PSD2: variants seen among roughly 807,000 people sequenced by gnomAD.
PSD2 encodes the protein pleckstrin and Sec7 domain containing 2.
PSD2 carries 38 observed loss-of-function variants against 69.8 expected under a neutral mutation model. That is an observed-to-expected ratio of 0.54 (90% CI 0.42 to 0.71). The LOEUF (loss-of-function observed/expected upper bound fraction) is 0.71, where lower values mean the gene tolerates loss of function less well. Among genes scored for constraint, PSD2 ranks in the 30% least tolerant of loss-of-function variants. The pLI is 0.00. For missense variants in PSD2, 943 were observed against 1,014.5 expected, an observed-to-expected ratio of 0.93 and a Z score of 0.96; for synonymous variants, 412 against 423.0, an observed-to-expected ratio of 0.97 and a Z score of 0.32.
At chr5:139,838,185 G>C (rs916312284) in intron 12 of PSD2, among the ~76,000 whole-genome samples, 5 of 152,340 alleles carry the variant, frequency 3.3e-5, no homozygotes, top group African/African-American at 1.2e-4. Context: ...CCTGTGACTT[G>C]AGATTGGGGT....
intron 2 of PSD2, among the ~76,000 whole-genome samples, chr5:139,812,665 G>C (rs1247305658): frequency 5.3e-5 from 8 of 152,178 alleles, no homozygotes; most frequent in Non-Finnish European, 1.2e-4. Flanking sequence ...TGCCTCCCCT[G>C]CTCTCTCTGA....
intron 14 of PSD2, among the ~76,000 whole-genome samples, chr5:139,841,690 C>T (rs565021129): frequency 2.0e-5 from 3 of 152,200 alleles, no homozygotes; most frequent in East Asian, 1.9e-4. Flanking sequence ...TCTGCTCTTT[C>T]GATAGTAGTA....
the PSD2 span, among the ~76,000 whole-genome samples, chr5:139,782,653 C>T: frequency 1.8e-4 from 28 of 151,980 alleles, no homozygotes; most frequent in South Asian, 2.3e-3. Context: ...CCACTACGCC[C>T]GGCTCATTTT....
chr5:139,769,470 G>T, the PSD2 span, among the ~76,000 whole-genome samples: 7 of 152,216 alleles, frequency 4.6e-5, no homozygotes, highest in Admixed American at 6.5e-5. Flanking sequence ...GCTCCTCTGT[G>T]GGGGGCAGCC....
In PSD2 at chr5:139,804,962, TGTGCGTGTGTGC is replaced by T. The variant is rs543781384; in HGVS notation, c.-50-4416_-50-4405del. On this transcript the variant is annotated intron_variant, in intron 1 of 14. Coordinates refer to ENST00000274710, the MANE Select transcript of PSD2 (RefSeq NM_032289.4). ...GTGTCTGCACGTGTGCGTGTGTATG[TGTGCGTGTGTGC>T]GTGCGTGTGTGCATGTGTGTGTCTC... Among the ~76,000 whole-genome samples the T allele has an allele frequency of 1.8e-3, 275 of 151,444 alleles. 1 individual carries two copies. Among genetic ancestry groups the T allele is most frequent in the African/African-American group, 6.1e-3 (251 of 41,252 alleles).
chr5:139,814,323 G>C lies in PSD2; in HGVS notation c.975G>C (p.Glu325Asp). 1 of 1,612,204 alleles carries C rather than the reference G, an allele frequency of 6.2e-7. No homozygotes were observed. The highest frequency in any genetic ancestry group is 8.5e-7 in the Non-Finnish European group (1 of 1,179,336). The change falls in exon 4 of 15, where the codon GAG (glutamate) becomes GAC (aspartate). Residue 325 changes from glutamate to aspartate, a missense_variant. Glu to Asp is a conservative substitution (Grantham distance 45). This residue lies in a region of PSD2 where 466 missense variants were observed against 445.0 expected (regional missense o/e 1.05). Coordinates refer to ENST00000274710, the MANE Select transcript of PSD2 (RefSeq NM_032289.4). This position sits in a 1 kb window ranked among gnomAD's most constrained non-coding sequence, Gnocchi z 4.4. ...TGGCACGCCGTCTCTACCACCTCGA[G>C]GGCTTCCAGCGCTGTGATGTGGCCC... ...HRLARRLYHLEGFQRCDVARQ... is the reference protein window; with the variant it reads ...HRLARRLYHLDGFQRCDVARQ...
At chr5:139,766,933 C>CTTTCTT in the PSD2 span, among the ~76,000 whole-genome samples, 88 of 51,022 alleles carry the variant, frequency 1.7e-3, 4 homozygotes, top group African/African-American at 7.5e-3. Flanking sequence ...TCCTTCCCTT[C>CTTTCTT]TTTCTTTCTT....
chr5:139,789,834 AAAG>A, the PSD2 span, among the ~76,000 whole-genome samples: 1 of 152,104 alleles, frequency 6.6e-6, no homozygotes, highest in Non-Finnish European at 1.5e-5. Flanking sequence ...TTATGGAGGA[AAAG>A]AAGGCGGGGA....
chr5:139,783,453 G>A, the PSD2 span, among the ~76,000 whole-genome samples: 26 of 152,078 alleles, frequency 1.7e-4, no homozygotes, highest in Admixed American at 4.6e-4. Context: ...CAACAGATGC[G>A]TCCATATTGT....
At chr5:139,795,260 T>C (rs1759489331), upstream of PSD2, among the ~76,000 whole-genome samples, 1 of 152,114 alleles carries the variant, frequency 6.6e-6, no homozygotes. This position sits in a 1 kb window ranked among gnomAD's most constrained non-coding sequence, Gnocchi z 4.5. Context: ...TCTCAGGGGC[T>C]CAGTCTCCCT....
At chr5:139,774,102 G>A in the PSD2 span, among the ~76,000 whole-genome samples, 4 of 152,072 alleles carry the variant, frequency 2.6e-5, no homozygotes, top group South Asian at 2.1e-4. Context: ...TGGGATTAGA[G>A]GCGTGAGCCG....
At chr5:139,750,106 A>T in the PSD2 span, among the ~76,000 whole-genome samples, 2 of 151,854 alleles carry the variant, frequency 1.3e-5, no homozygotes, top group African/African-American at 2.4e-5. Context: ...TGGGTGGATC[A>T]CGAGGTCAGG....
chr5:139,765,968 G>A, the PSD2 span, among the ~76,000 whole-genome samples: 1 of 152,138 alleles, frequency 6.6e-6, no homozygotes, highest in Non-Finnish European at 1.5e-5. Context: ...CTCTTTCCCT[G>A]TCCTCCTTTT....
intron 3 of PSD2, 120 bp downstream of exon 3, chr5:139,813,878 C>T (rs1413113852): frequency 1.2e-6 from 1 of 854,666 alleles, no homozygotes; most frequent in Non-Finnish European, 1.8e-6. Context: ...TCAAGGTCAC[C>T]TGGTCTACCC....
the PSD2 span, among the ~76,000 whole-genome samples, chr5:139,767,567 G>A: frequency 0.12 from 17,791 of 152,144 alleles, 1,304 homozygotes; most frequent in Non-Finnish European, 0.16. Context: ...TGCCCACCTC[G>A]GCCTCCCAGA....
At chr5:139,761,688 G>C in the PSD2 span, among the ~76,000 whole-genome samples, 1 of 152,210 alleles carries the variant, frequency 6.6e-6, no homozygotes, top group African/African-American at 2.4e-5. Flanking sequence ...TGGAGGAGGA[G>C]ATGTGTGTGC....
chr5:139,748,743 C>G, the PSD2 span, among the ~76,000 whole-genome samples: 1 of 152,390 alleles, frequency 6.6e-6, no homozygotes, highest in African/African-American at 2.4e-5. Flanking sequence ...CTAGGCAATG[C>G]TCGTCTGTCT....
chr5:139,829,500 C>T (rs1378795841), intron 7 of PSD2, among the ~76,000 whole-genome samples: 1 of 152,212 alleles, frequency 6.6e-6, no homozygotes, highest in Non-Finnish European at 1.5e-5. Context: ...CCCATTTCCT[C>T]CTCCACCTGG....
At chr5:139,803,151 G>A (rs1561591989) in intron 1 of PSD2, among the ~76,000 whole-genome samples, 1 of 152,274 alleles carries the variant, frequency 6.6e-6, no homozygotes, top group Non-Finnish European at 1.5e-5. Context: ...TTGGGTGAGG[G>A]TGTTGGGAGG....
Sources: allele counts gnomAD v4.1 joint callset (sites outside exome capture counted in the v4.1 genomes callset), GRCh38; gene constraint gnomAD v4.1.1; regional missense constraint gnomAD v4.1.1; non-coding constraint Gnocchi (gnomAD v3.1); transcripts MANE v1.5; gene names NCBI Gene and HGNC (gene_info 2026-07-23, HGNC 2026-07-21).